FANCM: variants seen among roughly 807,000 people sequenced by gnomAD.
FANCM encodes the protein Fanconi anemia group M protein.
Under a neutral mutation model 199.5 loss-of-function variants are expected in FANCM, and 140 were observed. The observed-to-expected ratio is 0.70, with a 90% CI of 0.61 to 0.81. FANCM has a LOEUF of 0.81. Ranked by LOEUF, FANCM falls within the 30% of genes least tolerant of loss-of-function variation. The pLI is 0.00. For synonymous variants in FANCM, 840 were observed against 836.8 expected, an observed-to-expected ratio of 1.00 and a Z score of -0.07; for missense variants, 2,410 against 2,421.4, an observed-to-expected ratio of 1.00 and a Z score of 0.10.
chr14:45,173,618 T>G (rs1594795730), intron 13 of FANCM, among the ~76,000 whole-genome samples: 1 of 152,212 alleles, frequency 6.6e-6, no homozygotes, highest in African/African-American at 2.4e-5. Context: ...GTCAGCATAG[T>G]GAACCAATTA....
At position 45,199,845 on chromosome 14, in the gene FANCM, T is replaced by G. The variant is rs749762483; in HGVS notation, c.6009-25T>G. 2.5e-6 allele frequency: 4 copies of G among 1,607,898 alleles called. No individual in the cohort carries two copies. In the South Asian group the frequency reaches 4.4e-5, roughly 18 times the overall value. On this transcript the variant is annotated intron_variant, in intron 22 of 22. Transcript: ENST00000267430. ...ATAAAAGCCAAAAGTCCTAGTGTAA[T>G]GATTTTGTCTCATTTATTTTTCAGC... is the stretch of plus-strand genomic sequence containing the variant.
chr14:45,190,585 TACTA>T (rs1889701261), intron 20 of FANCM, among the ~76,000 whole-genome samples: 2 of 152,112 alleles, frequency 1.3e-5, no homozygotes, highest in Admixed American at 6.6e-5. Flanking sequence ...TTAACCCCCT[TACTA>T]ACCACTATTC....
chr14:45,145,112 G>A (rs924559482), intron 3 of FANCM, among the ~76,000 whole-genome samples: 37 of 151,814 alleles, frequency 2.4e-4, no homozygotes, highest in Admixed American at 1.7e-3. Flanking sequence ...CCCAGGGTAC[G>A]TCTAGAAAAG....
At chr14:45,195,987 A>C (rs772565442) in intron 20 of FANCM, among the ~76,000 whole-genome samples, 185 bp from the exon 21 acceptor site, 8 of 151,926 alleles carry the variant, frequency 5.3e-5, no homozygotes, top group Non-Finnish European at 1.0e-4. Flanking sequence ...TGTTAATTAT[A>C]GCTTTAGAAT....
chr14:45,148,791 A>T, intron 3 of FANCM, 46 bp from the exon 4 acceptor site: 1 of 1,431,608 alleles, frequency 7.0e-7, no homozygotes, highest in South Asian at 1.2e-5. Context: ...TAAACTAAAA[A>T]ATTTTAACAT....
At position 45,136,185 on chromosome 14, in the gene FANCM, T is replaced by A. The variant is rs1885479462; in HGVS notation, c.154T>A (p.Ser52Thr). 6.2e-7 allele frequency: 1 copy of A among 1,613,774 alleles called. No individual in the cohort carries two copies. Reference protein sequence around the residue: ...LPAAAEAQLESDDDVLLVAAY... With the variant: ...LPAAAEAQLETDDDVLLVAAY... ...AGCAGCAGCGGAGGCTCAGCTGGAG[T>A]CGGACGATGATGTGTTGCTTGTCGC... The change falls in exon 1 of 23, where the codon TCG becomes ACG. Residue 52 changes from serine to threonine, a missense_variant. Transcript: ENST00000267430.
rs536913864 is a variant in FANCM, at chr14:45,142,700, A to G, written c.759+1991A>G. On this transcript the variant is annotated intron_variant, in intron 3 of 22. Transcript: ENST00000267430. The stretch of plus-strand genomic sequence containing the variant: ...ATATCCCTCAATTTGGGTAAGTCTG[A>G]TGTTTTCTCATGATGTGGTGACGTT... 4.1e-4 allele frequency among the ~76,000 whole-genome samples: 62 copies of G among 152,064 alleles called. 1 individual carries two copies. The highest frequency in any genetic ancestry group is 1.4e-3 in the African/African-American group (60 of 41,420).
Position 45,198,754 on chromosome 14 carries a change from G to C in FANCM, c.5827G>C (p.Asp1943His). 1.8e-5 allele frequency: 29 copies of C among 1,614,016 alleles called. No individual in the cohort carries two copies. The highest frequency in any genetic ancestry group is 2.5e-5 in the Non-Finnish European group (29 of 1,179,964). The change falls in exon 22 of 23, where the codon GAT (aspartate) becomes CAT (histidine). Residue 1943 changes from aspartate (D) to histidine (H), a missense_variant. Asp to His is a moderately conservative substitution (Grantham distance 81). Coordinates refer to ENST00000267430, the MANE Select transcript of FANCM (RefSeq NM_020937.4). ...LFSSCQEETA[D>H]LLKELSLVEQ... ...CAGTTCCTGCCAAGAAGAAACCGCA[G>C]ATTTGCTAAAGGAACTGTCTTTAGT...
chr14:45,186,013 T>C (rs1594811406), intron 18 of FANCM, among the ~76,000 whole-genome samples: 3 of 152,166 alleles, frequency 2.0e-5, no homozygotes, highest in African/African-American at 7.2e-5. Context: ...ATTCTCCTGC[T>C]TTAGCCTCCT....
At chr14:45,172,284 T>G (rs542107709) in intron 12 of FANCM, among the ~76,000 whole-genome samples, 3 of 152,166 alleles carry the variant, frequency 2.0e-5, no homozygotes, top group Non-Finnish European at 4.4e-5. Context: ...CTATCTTTGT[T>G]TTTGTTGCAT....
At chr14:45,187,209 CT>C (rs79999116) in intron 18 of FANCM, among the ~76,000 whole-genome samples, 19,253 of 136,626 alleles carry the variant, frequency 0.14, 1,240 homozygotes, top group Middle Eastern at 0.31. Flanking sequence ...AATTTCAAAG[CT>C]TTTTTTTTTT....
At chr14:45,173,393 A>T (rs573966177) in intron 13 of FANCM, among the ~76,000 whole-genome samples, 183 bp downstream of exon 13, 1 of 152,352 alleles carries the variant, frequency 6.6e-6, no homozygotes, top group African/African-American at 2.4e-5. Flanking sequence ...TTAGAAGAAG[A>T]ATATCATCTG....
chr14:45,152,815 C>T (rs1023204894), intron 5 of FANCM, among the ~76,000 whole-genome samples: 4 of 152,080 alleles, frequency 2.6e-5, no homozygotes, highest in Non-Finnish European at 4.4e-5. Flanking sequence ...AACTATTATA[C>T]CACGAAATGT....
At position 45,136,292 on chromosome 14, in the gene FANCM, C is replaced by T. The variant is rs1410052684; in HGVS notation, c.261C>T (p.Thr87=). 6.2e-7 allele frequency: 1 copy of T among 1,614,176 alleles called. No homozygotes were observed. The highest frequency in any genetic ancestry group is 1.7e-5 in the Admixed American group (1 of 60,012). Residue 87 remains threonine (T), a synonymous_variant, in exon 1 of 23, where the codon ACC becomes ACT. Coordinates refer to ENST00000267430, the MANE Select transcript of FANCM (RefSeq NM_020937.4). ...CGGGCGCCCTGTGGATTTACCCTACCAATTGCCCAGTGCGGGACTACCAGC... is the reference window on the plus strand; with the variant it reads ...CGGGCGCCCTGTGGATTTACCCTACTAATTGCCCAGTGCGGGACTACCAGC... ...TSAGALWIYP[T]NCPVRDYQLH...
Position 45,154,770 on chromosome 14 carries a change from GT to G in FANCM, c.1260del (p.Phe420LeufsTer31). The part of the protein sequence containing the change: ...MKLYNHLECM[F>X]ARTRSTSANG... ...AACTCTATAATCATCTAGAGTGTAT[GT>G]TTGCACGTACACGTAGTACTTCAGC... On this transcript the variant is annotated frameshift_variant, in exon 7 of 23. Transcript: ENST00000267430. LOFTEE classifies it high-confidence loss of function. The G allele has an allele frequency of 3.1e-6, 5 of 1,606,450 alleles. No homozygotes were observed. The highest frequency in any genetic ancestry group is 4.3e-6 in the Non-Finnish European group (5 of 1,174,330).
Position 45,136,054 on chromosome 14 carries a change from T to A in FANCM, c.23T>A (p.Leu8His), listed in dbSNP as rs753737880. 6.2e-7 allele frequency: 1 copy of A among 1,613,652 alleles called. No individual in the cohort carries two copies. Among genetic ancestry groups the A allele is most frequent in the Non-Finnish European group, 8.5e-7 (1 of 1,180,024 alleles). Residue 8 changes from leucine (L) to histidine (H), a missense_variant, in exon 1 of 23, where the codon CTT (leucine) becomes CAT (histidine). By Grantham distance (99) the Leu-to-His change is moderately conservative. Coordinates refer to ENST00000267430, the MANE Select transcript of FANCM (RefSeq NM_020937.4). MSGRQRT[L>H]FQTWGSSISR... Reference sequence around the variant, plus strand: ...CTAATGAGCGGACGGCAAAGAACGCTTTTTCAGACGTGGGGCTCAAGTATC... The same window carrying A: ...CTAATGAGCGGACGGCAAAGAACGCATTTTCAGACGTGGGGCTCAAGTATC...
At chr14:45,199,480 C>T (rs377250117) in intron 22 of FANCM, among the ~76,000 whole-genome samples, 77 of 152,332 alleles carry the variant, frequency 5.1e-4, no homozygotes, top group African/African-American at 1.7e-3. Context: ...ACTGCCTTCT[C>T]ATTGTATCCT....
rs111406508 is a variant in FANCM at position 45,197,854 on chromosome 14, C to T, written c.5717-790C>T. Among the ~76,000 whole-genome samples the T allele has an allele frequency of 2.4e-3, 362 of 151,752 alleles. 6 individuals carry two copies. Among genetic ancestry groups the T allele is most frequent in the African/African-American group, 8.5e-3 (350 of 41,336 alleles). ...TCTCGGCTCACTGCAACCTCCGCCTCCTGTGTTCAAGTGATTCTCCTGCCT... is the reference window on the plus strand; with the variant it reads ...TCTCGGCTCACTGCAACCTCCGCCTTCTGTGTTCAAGTGATTCTCCTGCCT... On this transcript the variant is annotated intron_variant, in intron 21 of 22. Coordinates refer to ENST00000267430, the MANE Select transcript of FANCM (RefSeq NM_020937.4).
In FANCM at chr14:45,171,325, A is replaced by AT. The variant is rs112412744; in HGVS notation, c.2160+589dup. 3.3e-3 allele frequency among the ~76,000 whole-genome samples: 487 copies of AT among 148,638 alleles called. 6 individuals are homozygous for AT. Among genetic ancestry groups the AT allele is most frequent in the Admixed American group, 0.021 (316 of 14,828 alleles). On this transcript the variant is annotated intron_variant, in intron 12 of 22. Coordinates refer to ENST00000267430, the MANE Select transcript of FANCM (RefSeq NM_020937.4). ...GCTTTCATAAGCATCCTTGTAAACC[A>AT]TTTTTTTTTTAAATTTCAATAGTTT...
Sources: gnomAD v4.1 joint callset for allele counts (sites outside exome capture counted in the v4.1 genomes callset) on GRCh38, gnomAD v4.1.1 for gene constraint, MANE v1.5 for transcripts, NCBI Gene and HGNC (gene_info 2026-07-23, HGNC 2026-07-21) for gene names.